Variants in SGCZ observed in about 807,000 individuals in gnomAD.
The protein encoded by SGCZ is zeta-sarcoglycan.
Under a neutral mutation model 41.3 loss-of-function variants are expected in SGCZ, and 40 were observed. The observed-to-expected ratio is 0.97, with a 90% CI of 0.75 to 1.26. The LOEUF (loss-of-function observed/expected upper bound fraction) is 1.26, where lower values mean the gene tolerates loss of function less well. Ranked by LOEUF, SGCZ falls within the 50% of genes most tolerant of loss-of-function variation. The probability of loss-of-function intolerance (pLI) is 0.00; values close to 1 mark genes in which losing one functional copy is unlikely to be tolerated. For missense variants in SGCZ, 552 were observed against 369.8 expected, an observed-to-expected ratio of 1.49 and a Z score of -4.04; for synonymous variants, 206 against 137.5, an observed-to-expected ratio of 1.50 and a Z score of -3.49.
intron 1 of SGCZ, among the ~76,000 whole-genome samples, chr8:14,578,100 T>A (rs1168597753): frequency 6.6e-6 from 1 of 152,194 alleles, no homozygotes; most frequent in Non-Finnish European, 1.5e-5. Context: ...AGGCCTATTT[T>A]ATCAAAGTTG....
At chr8:15,173,843 G>T (rs928129253) in intron 1 of SGCZ, among the ~76,000 whole-genome samples, 1 of 152,090 alleles carries the variant, frequency 6.6e-6, no homozygotes, top group Non-Finnish European at 1.5e-5. Flanking sequence ...GGGCTCAAGT[G>T]ATCCTCCTGC....
intron 7 of SGCZ, among the ~76,000 whole-genome samples, chr8:14,098,088 G>A (rs576729217): frequency 6.6e-6 from 1 of 152,212 alleles, no homozygotes; most frequent in Non-Finnish European, 1.5e-5. Flanking sequence ...GTTTAACCCT[G>A]TAGATACACC....
intron 1 of SGCZ, among the ~76,000 whole-genome samples, chr8:15,172,168 T>G (rs1285754076): frequency 5.4e-5 from 7 of 129,618 alleles, no homozygotes; most frequent in South Asian, 2.7e-4. Context: ...TTTTTTTTTT[T>G]TTTTTTTTTT....
At chr8:15,103,432 A>AT (rs1554456597) in intron 1 of SGCZ, among the ~76,000 whole-genome samples, 3 of 149,812 alleles carry the variant, frequency 2.0e-5, no homozygotes, top group Admixed American at 6.7e-5. Context: ...AAATAAATAA[A>AT]AGTAAATGAA....
At chr8:15,036,921 T>G (rs1585498182) in intron 1 of SGCZ, among the ~76,000 whole-genome samples, 1 of 152,056 alleles carries the variant, frequency 6.6e-6, no homozygotes, top group East Asian at 1.9e-4. Context: ...ATCCGAGGAA[T>G]AAAAGAATGG....
chr8:14,550,751 T>C (rs1004816818), intron 2 of SGCZ, among the ~76,000 whole-genome samples: 3 of 152,022 alleles, frequency 2.0e-5, no homozygotes, highest in African/African-American at 7.2e-5. Context: ...GATGGCCCTT[T>C]AGAAGGACAT....
intron 1 of SGCZ, among the ~76,000 whole-genome samples, chr8:15,074,389 A>G (rs1052910545): frequency 4.6e-5 from 7 of 152,152 alleles, no homozygotes; most frequent in Non-Finnish European, 1.0e-4. Context: ...GTTACAACTC[A>G]TTATCATCTT....
At chr8:14,248,317 T>A (rs1799176009) in intron 3 of SGCZ, among the ~76,000 whole-genome samples, 2 of 152,210 alleles carry the variant, frequency 1.3e-5, no homozygotes, top group South Asian at 4.1e-4. Context: ...CTGGCTACCA[T>A]GATCTTAATT....
chr8:14,234,816 T>C (rs1806697330), intron 4 of SGCZ, among the ~76,000 whole-genome samples: 4 of 152,156 alleles, frequency 2.6e-5, no homozygotes, highest in Admixed American at 1.3e-4. Context: ...TAAAGGTAAA[T>C]TTATTCTTAC....
chr8:14,154,024 C>T (rs901949991), intron 5 of SGCZ, among the ~76,000 whole-genome samples: 2 of 152,018 alleles, frequency 1.3e-5, no homozygotes, highest in Non-Finnish European at 2.9e-5. Flanking sequence ...TTTATCAGAG[C>T]CTGACCATGT....
chr8:14,119,547 C>A (rs533315563), intron 5 of SGCZ, among the ~76,000 whole-genome samples: 1 of 151,966 alleles, frequency 6.6e-6, no homozygotes, highest in Non-Finnish European at 1.5e-5. Flanking sequence ...AATACACATT[C>A]TTTCTTTCTT....
intron 4 of SGCZ, among the ~76,000 whole-genome samples, chr8:14,166,684 C>G (rs1234482110): frequency 6.6e-6 from 1 of 152,104 alleles, no homozygotes; most frequent in East Asian, 1.9e-4. Flanking sequence ...CACCCACACA[C>G]ACATAATACC....
chr8:14,259,233 T>C (rs535621544), intron 3 of SGCZ, among the ~76,000 whole-genome samples: 3 of 152,322 alleles, frequency 2.0e-5, no homozygotes, highest in East Asian at 3.9e-4. Context: ...TGAATAGAAT[T>C]GGACCCACAA....
rs149289003 is a variant in SGCZ, at chr8:14,886,502, C to T, written c.40-331576G>A. Among the ~76,000 whole-genome samples, 286 of 152,092 alleles carry T rather than the reference C, an allele frequency of 1.9e-3. 1 individual carries two copies. The highest frequency in any genetic ancestry group is 6.5e-3 in the African/African-American group (271 of 41,494). On this transcript the variant is annotated intron_variant, in intron 1 of 7. Transcript: ENST00000382080. ...TTCACTCAGGAGATATTTGAACAAA[C>T]ACCTCAGGGAGGTGAGAGAACAAAT...
intron 1 of SGCZ, among the ~76,000 whole-genome samples, chr8:14,631,742 A>G (rs1458569024): frequency 6.6e-6 from 1 of 152,084 alleles, no homozygotes; most frequent in Non-Finnish European, 1.5e-5. Context: ...TCATATAAAC[A>G]ATAATGTAGC....
chr8:14,970,843 A>G (rs573535105), intron 1 of SGCZ, among the ~76,000 whole-genome samples: 12 of 152,294 alleles, frequency 7.9e-5, no homozygotes, highest in African/African-American at 2.9e-4. Context: ...AAGTCAGTTA[A>G]TATATTGATT....
chr8:14,395,079 G>T (rs1371381484), intron 2 of SGCZ, among the ~76,000 whole-genome samples: 1 of 152,108 alleles, frequency 6.6e-6, no homozygotes, highest in Non-Finnish European at 1.5e-5. Flanking sequence ...AATAGGCAAA[G>T]TACTTAAAAC....
chr8:14,323,619 T>A (rs1462820724), intron 3 of SGCZ, among the ~76,000 whole-genome samples: 1 of 152,156 alleles, frequency 6.6e-6, no homozygotes, highest in African/African-American at 2.4e-5. Context: ...ATTTGAAGGA[T>A]AAATATTCTC....
intron 4 of SGCZ, among the ~76,000 whole-genome samples, chr8:14,217,028 C>T (rs902938283): frequency 1.3e-5 from 2 of 152,140 alleles, no homozygotes; most frequent in African/African-American, 4.8e-5. Flanking sequence ...TGGCTCACGC[C>T]TGTAATCCCA....
Sources: allele counts gnomAD v4.1 joint callset (sites outside exome capture counted in the v4.1 genomes callset), GRCh38; gene constraint gnomAD v4.1.1; transcripts MANE v1.5; gene names NCBI Gene and HGNC (gene_info 2026-07-23, HGNC 2026-07-21).